Variants in CENPQ observed in about 807,000 individuals in gnomAD.
The protein encoded by CENPQ is centromere protein Q.
Under a neutral mutation model 36.6 loss-of-function variants are expected in CENPQ, and 27 were observed. The ratio of observed to expected loss-of-function variants is 0.74; its 90% CI spans 0.54 to 1.02. The LOEUF is 1.02. CENPQ is among the 50% of genes least tolerant of loss of function. The pLI is 0.00. For synonymous variants in CENPQ, 101 were observed against 101.7 expected, an observed-to-expected ratio of 0.99 and a Z score of 0.04; for missense variants, 306 against 301.8, an observed-to-expected ratio of 1.01 and a Z score of -0.10.
At chr6:49,467,453 T>C (rs907916748) in intron 1 of CENPQ, among the ~76,000 whole-genome samples, 4 of 152,226 alleles carry the variant, frequency 2.6e-5, no homozygotes, top group Admixed American at 6.5e-5. Context: ...AGTTTCTGTA[T>C]GTTTTGCTCA....
chr6:49,470,164 T>C lies in CENPQ; in HGVS notation c.-13T>C. 6.8e-7 allele frequency: 1 copy of C among 1,467,526 alleles called. No homozygotes were observed. 90.9% of individuals were successfully genotyped at this position (1,467,526 alleles called of 1,614,324 possible). A position where few individuals can be genotyped will look rare whatever the true frequency, so the allele number is the denominator to read the frequency against. Reference sequence around the variant, plus strand: ...GATTTTTTTTTTTTTCGAAGCACTGTGTTTAGATCAAGATGTCTGGTAAAG... The same window carrying C: ...GATTTTTTTTTTTTTCGAAGCACTGCGTTTAGATCAAGATGTCTGGTAAAG... On this transcript the variant is annotated 5_prime_UTR_variant, in exon 2 of 9. Coordinates refer to ENST00000335783, the MANE Select transcript of CENPQ (RefSeq NM_018132.4).
intron 6 of CENPQ, among the ~76,000 whole-genome samples, chr6:49,484,228 C>T (rs1768526150): frequency 1.3e-5 from 2 of 152,060 alleles, no homozygotes; most frequent in Admixed American, 1.3e-4. Context: ...AGAGTATGAC[C>T]TAAATTATTC....
intron 5 of CENPQ, among the ~76,000 whole-genome samples, chr6:49,473,880 T>C (rs1216952546): frequency 6.6e-6 from 1 of 152,060 alleles, no homozygotes; most frequent in Non-Finnish European, 1.5e-5. Context: ...TAGTCTCTGA[T>C]AAAACAGACT....
chr6:49,488,256 G>T, intron 6 of CENPQ, 96 bp from the exon 7 acceptor site: 1 of 884,968 alleles, frequency 1.1e-6, no homozygotes, highest in Non-Finnish European at 1.7e-6. Flanking sequence ...AATATATATG[G>T]TGTTTTTTTA....
intron 1 of CENPQ, among the ~76,000 whole-genome samples, chr6:49,464,021 T>G (rs1767933145): frequency 6.6e-6 from 1 of 152,164 alleles, no homozygotes; most frequent in South Asian, 2.1e-4. Flanking sequence ...TTTCCGAGCT[T>G]TCCTGCCGTC....
chr6:49,477,369 A>G (rs1237907233), intron 5 of CENPQ, among the ~76,000 whole-genome samples: 2 of 140,426 alleles, frequency 1.4e-5, no homozygotes, highest in African/African-American at 2.6e-5. Flanking sequence ...GAATTGAACA[A>G]TGAGAACACC....
rs1327613492 is a variant in CENPQ at position 49,492,955 on chromosome 6, A to G, written c.*680A>G. 4 of 152,542 alleles carry G rather than the reference A, an allele frequency of 2.6e-5. No individual in the cohort carries two copies. The highest frequency in any genetic ancestry group is 4.4e-5 in the Non-Finnish European group (3 of 68,024). The allele number at this position is 152,542 out of a possible 1,614,324, so 9.4% of individuals were successfully genotyped here. On this transcript the variant is annotated 3_prime_UTR_variant, in exon 9 of 9. Coordinates refer to ENST00000335783, the MANE Select transcript of CENPQ (RefSeq NM_018132.4). ...ATTAAAACAAGAAAACCCAAAATAT[A>G]TAAACCTTTTCTTATTATGATAATA...
At chr6:49,488,208 C>G in intron 6 of CENPQ, 144 bp from the exon 7 acceptor site, 1 of 579,878 alleles carries the variant, frequency 1.7e-6, no homozygotes. Flanking sequence ...TTGAAAGAAA[C>G]AAAAGTAAAT....
At chr6:49,473,313 A>G (rs1213231953) in intron 5 of CENPQ, among the ~76,000 whole-genome samples, 1 of 152,088 alleles carries the variant, frequency 6.6e-6, no homozygotes, top group Non-Finnish European at 1.5e-5. Context: ...GTAAATCACC[A>G]ATGGAGATTT....
chr6:49,473,035 A>AT (rs1375384740), intron 5 of CENPQ, among the ~76,000 whole-genome samples, 177 bp downstream of exon 5: 1 of 152,096 alleles, frequency 6.6e-6, no homozygotes, highest in African/African-American at 2.4e-5. Flanking sequence ...TGTTTCTCAA[A>AT]TAAGTTTCAG....
At chr6:49,479,834 G>A (rs903325644) in intron 5 of CENPQ, among the ~76,000 whole-genome samples, 2 of 152,168 alleles carry the variant, frequency 1.3e-5, no homozygotes, top group African/African-American at 4.8e-5. Flanking sequence ...CACGGTTGGA[G>A]CTAGAGGTCA....
At chr6:49,484,803 T>A (rs150884760) in intron 6 of CENPQ, among the ~76,000 whole-genome samples, 26 of 152,350 alleles carry the variant, frequency 1.7e-4, no homozygotes, top group Non-Finnish European at 3.1e-4. Flanking sequence ...AGGTTCCTAC[T>A]TTTTTAGGGC....
At chr6:49,480,505 A>G (rs1272277553) in intron 5 of CENPQ, among the ~76,000 whole-genome samples, 1 of 152,142 alleles carries the variant, frequency 6.6e-6, no homozygotes, top group Non-Finnish European at 1.5e-5. Context: ...AATCTTCTCT[A>G]TTTTTGATCA....
intron 1 of CENPQ, among the ~76,000 whole-genome samples, chr6:49,467,036 G>A (rs944288677): frequency 1.3e-5 from 2 of 152,100 alleles, no homozygotes; most frequent in Admixed American, 6.5e-5. Flanking sequence ...AGCATCTGAC[G>A]GTCTACGTAG....
At chr6:49,467,757 T>G (rs888245876) in intron 1 of CENPQ, among the ~76,000 whole-genome samples, 8 of 151,936 alleles carry the variant, frequency 5.3e-5, no homozygotes, top group Admixed American at 2.0e-4. Context: ...AAGTACCAAA[T>G]GAGACAGAGC....
intron 2 of CENPQ, among the ~76,000 whole-genome samples, chr6:49,470,622 C>CAAAA (rs1199878940): frequency 1.2e-4 from 8 of 66,374 alleles, no homozygotes; most frequent in Non-Finnish European, 2.0e-4. Flanking sequence ...GACTCCGTCT[C>CAAAA]AAAAAAAAAA....
intron 6 of CENPQ, among the ~76,000 whole-genome samples, chr6:49,488,097 T>C (rs749676764): frequency 2.2e-4 from 34 of 152,324 alleles, no homozygotes; most frequent in Non-Finnish European, 4.4e-4. Context: ...ATTGGTACGT[T>C]TTGAGGAAGT....
chr6:49,475,592 A>G (rs1446296400), intron 5 of CENPQ, among the ~76,000 whole-genome samples: 2 of 152,104 alleles, frequency 1.3e-5, no homozygotes, highest in Non-Finnish European at 2.9e-5. Flanking sequence ...GGCAGGAGAA[A>G]GAAATAAAGG....
chr6:49,474,661 A>G (rs1162236781), intron 5 of CENPQ, among the ~76,000 whole-genome samples: 1 of 152,222 alleles, frequency 6.6e-6, no homozygotes, highest in African/African-American at 2.4e-5. Flanking sequence ...AACTAAGATC[A>G]GAGCAGAACT....
Sources: allele counts gnomAD v4.1 joint callset (sites outside exome capture counted in the v4.1 genomes callset), GRCh38; gene constraint gnomAD v4.1.1; transcripts MANE v1.5; gene names NCBI Gene and HGNC (gene_info 2026-07-23, HGNC 2026-07-21).